The following ACSL3 variants were observed in gnomAD, a reference collection of about 807,000 sequenced individuals.
ACSL3 encodes the protein fatty acid CoA ligase Acsl3.
In ACSL3, 34 loss-of-function variants were observed where a neutral mutation model predicts 84.7. That is an observed-to-expected ratio of 0.40 (90% CI 0.31 to 0.53). ACSL3 has a LOEUF of 0.53. Ranked by LOEUF, ACSL3 falls within the 20% of genes least tolerant of loss-of-function variation. ACSL3 has a pLI of 0.48. For synonymous variants in ACSL3, 315 were observed against 299.4 expected (o/e 1.05, Z -0.54); for missense variants, 680 against 873.1 (o/e 0.78, Z 2.79).
intron 4 of ACSL3, among the ~76,000 whole-genome samples, chr2:222,916,103 T>G (rs1696574515): frequency 6.6e-6 from 1 of 152,144 alleles, no homozygotes; most frequent in South Asian, 2.1e-4. Flanking sequence ...ACCCCCCAGT[T>G]ACAATATAAG....
At chr2:222,875,468 T>C (rs1695422747) in intron 1 of ACSL3, among the ~76,000 whole-genome samples, 1 of 152,200 alleles carries the variant, frequency 6.6e-6, no homozygotes, top group Non-Finnish European at 1.5e-5. Context: ...ATAAAAAAAT[T>C]CATTGGTTTG....
intron 1 of ACSL3, among the ~76,000 whole-genome samples, chr2:222,876,272 G>A (rs936041538): frequency 6.6e-6 from 1 of 152,142 alleles, no homozygotes; most frequent in African/African-American, 2.4e-5. Flanking sequence ...CTCAACAGAT[G>A]TTTGAGCAAG....
At chr2:222,910,228 G>A (rs1271088727) in intron 4 of ACSL3, among the ~76,000 whole-genome samples, 3 of 152,224 alleles carry the variant, frequency 2.0e-5, no homozygotes, top group Non-Finnish European at 4.4e-5. Flanking sequence ...GAAATGGCGT[G>A]AGAATGCCGT....
intron 16 of ACSL3, among the ~76,000 whole-genome samples, chr2:222,937,951 A>G (rs758951864): frequency 2.6e-5 from 4 of 151,704 alleles, no homozygotes; most frequent in Non-Finnish European, 5.9e-5. Flanking sequence ...ATCTTTGTGT[A>G]TGTTCTATAG....
In ACSL3 at chr2:222,900,759, C is replaced by T. The variant is rs531189479; in HGVS notation, c.-62C>T. 2.6e-5 allele frequency: 4 copies of T among 152,294 alleles called. No individual in the cohort carries two copies. The highest frequency in any genetic ancestry group is 4.8e-5 in the African/African-American group (2 of 41,564). The allele number at this position is 152,294 out of a possible 1,614,324, so 9.4% of individuals were successfully genotyped here. ...AGCTGCTGGTCCTGTGTCACACCAC[C>T]TTAGCCTCTTGATCGAGGAAGGTAA... On this transcript the variant is annotated 5_prime_UTR_variant, in exon 3 of 17. Transcript: ENST00000357430.
intron 1 of ACSL3, among the ~76,000 whole-genome samples, chr2:222,866,651 G>C (rs1364290096): frequency 1.4e-5 from 2 of 139,984 alleles, no homozygotes; most frequent in Non-Finnish European, 3.0e-5. Context: ...TTGAAGGCAT[G>C]ATTGTGTAGG....
At chr2:222,899,905 A>T (rs1696094429) in intron 2 of ACSL3, among the ~76,000 whole-genome samples, 1 of 152,120 alleles carries the variant, frequency 6.6e-6, no homozygotes, top group African/African-American at 2.4e-5. Flanking sequence ...AAACATTATT[A>T]ATTTGTTCCC....
chr2:222,941,388 T>C (rs771120356), intron 16 of ACSL3, 109 bp from the exon 17 acceptor site: 21 of 797,262 alleles, frequency 2.6e-5, no homozygotes, highest in Non-Finnish European at 4.1e-5. Context: ...CATTCATGGT[T>C]CACTTGTTGG....
At position 222,903,342 on chromosome 2, in the gene ACSL3, AT is replaced by A. The variant is rs1443200182; in HGVS notation, c.-41+2563del. Among the ~76,000 whole-genome samples, 8 of 152,096 alleles carry A rather than the reference AT, an allele frequency of 5.3e-5. 1 individual carries two copies. Reference sequence around the variant, plus strand: ...GTTTTTGTAGAGACAGGGCTTCGTCATGTTTCCCAGGCTGGTCTCAAACTTC... The same window carrying A: ...GTTTTTGTAGAGACAGGGCTTCGTCAGTTTCCCAGGCTGGTCTCAAACTTC... On this transcript the variant is annotated intron_variant, in intron 3 of 16. Coordinates refer to ENST00000357430, the MANE Select transcript of ACSL3 (RefSeq NM_004457.5).
chr2:222,882,114 T>A (rs1005411870), intron 1 of ACSL3, among the ~76,000 whole-genome samples: 32 of 152,378 alleles, frequency 2.1e-4, no homozygotes, highest in African/African-American at 7.5e-4. Flanking sequence ...CAGATCATTC[T>A]GGCTTAACAA....
chr2:222,931,392 CAA>C (rs1452623556), intron 14 of ACSL3, among the ~76,000 whole-genome samples: 1 of 146,508 alleles, frequency 6.8e-6, no homozygotes, highest in East Asian at 2.0e-4. Flanking sequence ...CCAACCTGGG[CAA>C]CAGAGCAAGA....
At chr2:222,862,064 G>T (rs1695028771) in intron 1 of ACSL3, among the ~76,000 whole-genome samples, 1 of 152,216 alleles carries the variant, frequency 6.6e-6, no homozygotes, top group Admixed American at 6.5e-5. Context: ...AAGGCTGGAG[G>T]AATGTCTTTA....
At chr2:222,877,116 A>G (rs1003460663) in intron 1 of ACSL3, among the ~76,000 whole-genome samples, 2 of 152,162 alleles carry the variant, frequency 1.3e-5, no homozygotes, top group South Asian at 2.1e-4. Flanking sequence ...GGATAAGTCA[A>G]TTAACAGTAG....
chr2:222,926,219 T>G (rs1390405659), intron 11 of ACSL3, among the ~76,000 whole-genome samples: 3 of 152,212 alleles, frequency 2.0e-5, no homozygotes, highest in Non-Finnish European at 4.4e-5. Context: ...ATTTAAAGTA[T>G]TTTGGAGGAT....
At chr2:222,873,675 T>C (rs1411141377) in intron 1 of ACSL3, among the ~76,000 whole-genome samples, 1 of 152,238 alleles carries the variant, frequency 6.6e-6, no homozygotes, top group African/African-American at 2.4e-5. Flanking sequence ...CTACTTCTCA[T>C]TTATCATATC....
At chr2:222,916,295 A>C (rs772962595) in intron 4 of ACSL3, 24 bp from the exon 5 acceptor site, 36 of 1,414,420 alleles carry the variant, frequency 2.5e-5, no homozygotes, top group Non-Finnish European at 3.3e-5. Flanking sequence ...ATTACATTAA[A>C]AAAATTTTTT....
chr2:222,906,273 C>G (rs1195893545), intron 3 of ACSL3, among the ~76,000 whole-genome samples: 3 of 152,204 alleles, frequency 2.0e-5, no homozygotes, highest in African/African-American at 2.4e-5. Context: ...CTGGACTGCC[C>G]TTCTTGAGAG....
intron 1 of ACSL3, among the ~76,000 whole-genome samples, chr2:222,866,433 A>C (rs1256329539): frequency 1.3e-5 from 2 of 152,122 alleles, no homozygotes; most frequent in Admixed American, 6.5e-5. Flanking sequence ...GCTGGGAGCT[A>C]CTGCGCTGAC....
intron 1 of ACSL3, among the ~76,000 whole-genome samples, chr2:222,863,553 T>G (rs1695064220): frequency 6.6e-6 from 1 of 152,204 alleles, no homozygotes; most frequent in African/African-American, 2.4e-5. Context: ...AAATGAACTG[T>G]AAGGGGGAGT....
Sources: gnomAD v4.1 joint callset for allele counts (sites outside exome capture counted in the v4.1 genomes callset) on GRCh38, gnomAD v4.1.1 for gene constraint, MANE v1.5 for transcripts, NCBI Gene and HGNC (gene_info 2026-07-23, HGNC 2026-07-21) for gene names.